LNPEP: variants seen among roughly 807,000 people sequenced by gnomAD.
The protein encoded by LNPEP is leucyl and cystinyl aminopeptidase, also known as leucyl-cystinyl aminopeptidase.
Under a neutral mutation model 120.6 loss-of-function variants are expected in LNPEP, and 64 were observed. The observed-to-expected ratio is 0.53, with a 90% CI of 0.43 to 0.65. LNPEP has a LOEUF of 0.65. LNPEP is among the 30% of genes least tolerant of loss of function. LNPEP has a pLI of 0.00. For synonymous variants in LNPEP, 435 were observed against 425.4 expected, an observed-to-expected ratio of 1.02 and a Z score of -0.28; for missense variants, 1,057 against 1,200.0, an observed-to-expected ratio of 0.88 and a Z score of 1.76.
At chr5:96,983,653 G>T (rs2112612759) in intron 2 of LNPEP, among the ~76,000 whole-genome samples, 1 of 152,150 alleles carries the variant, frequency 6.6e-6, no homozygotes, top group Non-Finnish European at 1.5e-5. Context: ...CACCATGTTG[G>T]CCAGGCTGGT....
intron 1 of LNPEP, among the ~76,000 whole-genome samples, chr5:96,973,779 A>T (rs187716718): frequency 3.9e-5 from 6 of 152,282 alleles, no homozygotes; most frequent in Admixed American, 2.6e-4. Flanking sequence ...AGAAAATGTG[A>T]TGGCAGCTTA....
intron 8 of LNPEP, 36 bp from the exon 9 acceptor site, chr5:97,003,379 A>C: frequency 8.1e-7 from 1 of 1,231,076 alleles, no homozygotes; most frequent in Non-Finnish European, 1.1e-6. Flanking sequence ...GTATTCTATT[A>C]TTTTCTTTCT....
chr5:96,936,440 T>G, intron 1 of LNPEP: 1 of 378,934 alleles, frequency 2.6e-6, no homozygotes, highest in Non-Finnish European at 4.7e-6. Context: ...ACAGCAAAGT[T>G]TGGGCTGCTG....
In LNPEP at chr5:96,958,664, T is replaced by C. The variant is rs184025663; in HGVS notation, c.20-20474T>C. 403 of 205,644 alleles carry C rather than the reference T, an allele frequency of 2.0e-3. 1 individual carries two copies. The highest frequency in any genetic ancestry group is 3.1e-3 in the Admixed American group (47 of 15,342). The allele number at this position is 205,644 out of a possible 1,614,324, so 12.7% of individuals were successfully genotyped here. The stretch of plus-strand genomic sequence containing the variant: ...ACGAAGGAGTTGGCAGGGCTGTGTG[T>C]TCCTTTCTGTAGGCTCTGGGCAGGA... On this transcript the variant is annotated intron_variant, in intron 1 of 17. Coordinates refer to ENST00000231368, the MANE Select transcript of LNPEP (RefSeq NM_005575.3).
intron 1 of LNPEP, among the ~76,000 whole-genome samples, chr5:96,949,588 T>C (rs1204539774): frequency 6.6e-6 from 1 of 152,234 alleles, no homozygotes; most frequent in Non-Finnish European, 1.5e-5. Context: ...AGAGGAACTG[T>C]ACATTCCTAC....
chr5:96,957,631 G>C (rs1230102443), intron 1 of LNPEP, among the ~76,000 whole-genome samples: 1 of 152,058 alleles, frequency 6.6e-6, no homozygotes, highest in African/African-American at 2.4e-5. Flanking sequence ...GATGGGAGGG[G>C]GGCCCAAGCT....
intron 1 of LNPEP, among the ~76,000 whole-genome samples, chr5:96,973,266 C>A (rs1337663424): frequency 6.6e-6 from 1 of 151,874 alleles, no homozygotes; most frequent in Non-Finnish European, 1.5e-5. Flanking sequence ...TCCATTTGGA[C>A]CTACCCAGAA....
intron 13 of LNPEP, among the ~76,000 whole-genome samples, chr5:97,018,605 T>A (rs1238658485): frequency 6.6e-6 from 1 of 152,142 alleles, no homozygotes; most frequent in Non-Finnish European, 1.5e-5. Context: ...ACATTCTTAT[T>A]CTAATATTAG....
intron 1 of LNPEP, chr5:96,962,522 C>G (rs186891657): frequency 1.3e-5 from 2 of 152,032 alleles, no homozygotes; most frequent in Non-Finnish European, 2.9e-5. Context: ...ATTATTATCC[C>G]CATCTTATAA....
chr5:96,939,018 T>G (rs1788989903), intron 1 of LNPEP, among the ~76,000 whole-genome samples: 1 of 152,058 alleles, frequency 6.6e-6, no homozygotes. Context: ...AACTATCTGC[T>G]TTTTTGGTTA....
chr5:96,961,364 T>C (rs1484599855), intron 1 of LNPEP, among the ~76,000 whole-genome samples: 1 of 152,176 alleles, frequency 6.6e-6, no homozygotes, highest in African/African-American at 2.4e-5. Flanking sequence ...TATCTTCCTC[T>C]AGAGAAGTTA....
chr5:96,998,200 C>G (rs910441132), intron 8 of LNPEP, 55 bp downstream of exon 8: 2 of 1,287,582 alleles, frequency 1.6e-6, no homozygotes, highest in Non-Finnish European at 2.2e-6. Context: ...CGTATAATTT[C>G]GTATGTGAGC....
chr5:96,952,534 T>G (rs1427277075), intron 1 of LNPEP, among the ~76,000 whole-genome samples: 2 of 152,116 alleles, frequency 1.3e-5, no homozygotes, highest in African/African-American at 4.8e-5. Flanking sequence ...GGGCAGCAAG[T>G]TTCTTAAGAT....
At chr5:96,936,321 C>G in intron 1 of LNPEP, 147 bp downstream of exon 1, 1 of 221,802 alleles carries the variant, frequency 4.5e-6, no homozygotes, top group Non-Finnish European at 7.9e-6. Flanking sequence ...GAGAGGGGAT[C>G]TGGGGGAGGC....
At chr5:97,021,918 CTTTTGTT>C (rs1791207303) in intron 13 of LNPEP, among the ~76,000 whole-genome samples, 37 of 50,008 alleles carry the variant, frequency 7.4e-4, no homozygotes, top group African/African-American at 2.9e-3. Context: ...TGTTTTTTGT[CTTTTGTT>C]TTTTTTTTTT....
intron 11 of LNPEP, among the ~76,000 whole-genome samples, chr5:97,009,091 T>A (rs1458953166): frequency 3.9e-5 from 6 of 152,196 alleles, no homozygotes; most frequent in African/African-American, 1.4e-4. Context: ...CGCACAAAAA[T>A]TCTATCAGCA....
chr5:97,006,324 C>A (rs1790781437), intron 10 of LNPEP, 91 bp downstream of exon 10: 2 of 1,304,346 alleles, frequency 1.5e-6, no homozygotes, highest in Non-Finnish European at 1.1e-6. Flanking sequence ...TCTTGTGAAA[C>A]CTAACAAGAT....
At chr5:96,995,833 A>G (rs1024634221) in intron 6 of LNPEP, among the ~76,000 whole-genome samples, 3 of 152,168 alleles carry the variant, frequency 2.0e-5, no homozygotes, top group Non-Finnish European at 4.4e-5. Context: ...GTATATGTCA[A>G]CTTAGTCTTA....
chr5:97,008,662 C>CTT (rs757725207), intron 11 of LNPEP, among the ~76,000 whole-genome samples: 944 of 85,430 alleles, frequency 0.011, 74 homozygotes, highest in East Asian at 0.054. Context: ...CCTCTTTACT[C>CTT]TTTTTTTTTT....
Sources: gnomAD v4.1 joint callset for allele counts (sites outside exome capture counted in the v4.1 genomes callset) on GRCh38, gnomAD v4.1.1 for gene constraint, MANE v1.5 for transcripts, NCBI Gene and HGNC (gene_info 2026-07-23, HGNC 2026-07-21) for gene names.